Variants in RBFOX1 observed in about 807,000 individuals in gnomAD.
RBFOX1 encodes RNA binding protein fox-1 homolog 1.
In RBFOX1, 8 loss-of-function variants were observed where a neutral mutation model predicts 57.7. That is an observed-to-expected ratio of 0.14 (90% CI 0.08 to 0.25). The LOEUF (loss-of-function observed/expected upper bound fraction) is 0.25. Among genes scored for constraint, RBFOX1 ranks in the 10% least tolerant of loss-of-function variants. The pLI, the probability that RBFOX1 is intolerant of heterozygous loss-of-function variation, is 1.00. For missense variants in RBFOX1, 611 were observed against 548.5 expected, an observed-to-expected ratio of 1.11 and a Z score of -1.14; for synonymous variants, 326 against 222.4, an observed-to-expected ratio of 1.47 and a Z score of -4.15.
At chr16:6,426,984 T>C (rs1312307927) in intron 2 of RBFOX1, among the ~76,000 whole-genome samples, 1 of 152,184 alleles carries the variant, frequency 6.6e-6, no homozygotes, top group Non-Finnish European at 1.5e-5. Flanking sequence ...CGCTGTATAA[T>C]TGAGTTTCTG....
intron 3 of RBFOX1, among the ~76,000 whole-genome samples, chr16:5,851,712 T>A (rs2056901501): frequency 6.6e-6 from 1 of 152,232 alleles, no homozygotes; most frequent in Non-Finnish European, 1.5e-5. Context: ...CCTTTTCATT[T>A]TGGCTCCGTA....
chr16:7,112,502 C>T (rs887042090), intron 4 of RBFOX1, among the ~76,000 whole-genome samples: 2 of 152,034 alleles, frequency 1.3e-5, no homozygotes, highest in Admixed American at 6.6e-5. Flanking sequence ...CCACCGTGCC[C>T]AGCCTAACAA....
intron 10 of RBFOX1, among the ~76,000 whole-genome samples, chr16:7,629,626 G>A (rs1032340486): frequency 6.6e-6 from 1 of 152,172 alleles, no homozygotes; most frequent in African/African-American, 2.4e-5. Context: ...TGCAGCAGTG[G>A]GAAAGTAGCA....
intron 3 of RBFOX1, among the ~76,000 whole-genome samples, chr16:6,966,761 GTCTATCTA>G (rs57023399): frequency 0.016 from 2,365 of 149,188 alleles, 71 homozygotes; most frequent in African/African-American, 0.054. Context: ...CTGTCTGTCT[GTCTATCTA>G]TCTATCTATC....
intron 4 of RBFOX1, among the ~76,000 whole-genome samples, chr16:7,244,466 C>G (rs986391821): frequency 1.3e-5 from 2 of 152,126 alleles, no homozygotes; most frequent in East Asian, 1.9e-4. Flanking sequence ...TTTGGCCATC[C>G]TCTTTGCAAA....
At chr16:5,796,543 GTA>G (rs1373583536) in intron 3 of RBFOX1, among the ~76,000 whole-genome samples, 2 of 145,048 alleles carry the variant, frequency 1.4e-5, no homozygotes, top group Non-Finnish European at 3.0e-5. Context: ...AAGCAGGGCT[GTA>G]TCAGATGGTG....
chr16:7,300,761 T>C (rs1318080025), intron 4 of RBFOX1, among the ~76,000 whole-genome samples: 1 of 152,260 alleles, frequency 6.6e-6, no homozygotes, highest in African/African-American at 2.4e-5. Context: ...AATATTATTT[T>C]ATGAGTCAAA....
chr16:7,149,305 C>T (rs1567461342), intron 4 of RBFOX1, among the ~76,000 whole-genome samples: 1 of 151,894 alleles, frequency 6.6e-6, no homozygotes. Flanking sequence ...GTAGTCATAC[C>T]ACTCAGGATG....
At chr16:7,510,511 G>GTGTGT (rs1567589181) in intron 4 of RBFOX1, among the ~76,000 whole-genome samples, 2 of 149,902 alleles carry the variant, frequency 1.3e-5, no homozygotes, top group Non-Finnish European at 3.0e-5. Context: ...GTGTGTGTGT[G>GTGTGT]GGCGCGCGCG....
At position 6,271,586 on chromosome 16, in the gene RBFOX1, A is replaced by G. The variant is rs371975128; in HGVS notation, c.-126-45409A>G. ...CCTGACAAATCTGAGCAAAACTGAT[A>G]GAGAGATGACACAAATTATCAAACA... On this transcript the variant is annotated intron_variant, in intron 1 of 15. Transcript: ENST00000550418. Among the ~76,000 whole-genome samples, 31 of 152,330 alleles carry G rather than the reference A, an allele frequency of 2.0e-4. No homozygotes were observed. In the East Asian group the frequency reaches 2.5e-3, roughly 12 times the overall value.
chr16:7,219,365 T>A (rs1011432855), intron 4 of RBFOX1, among the ~76,000 whole-genome samples: 5 of 151,758 alleles, frequency 3.3e-5, no homozygotes, highest in African/African-American at 1.2e-4. Flanking sequence ...CAGAAAGGAG[T>A]GTTGGGTAAA....
chr16:6,684,673 C>G (rs2059163498), intron 3 of RBFOX1, among the ~76,000 whole-genome samples: 1 of 152,146 alleles, frequency 6.6e-6, no homozygotes, highest in South Asian at 2.1e-4. Context: ...AGAAGTTGAT[C>G]TGGAGCCCTA....
intron 3 of RBFOX1, among the ~76,000 whole-genome samples, chr16:6,930,877 T>C (rs1281050783): frequency 6.6e-6 from 1 of 152,084 alleles, no homozygotes; most frequent in Non-Finnish European, 1.5e-5. Context: ...CATGTTCCTA[T>C]CCAATACCCC....
At chr16:6,479,159 C>T (rs1456919249) in intron 2 of RBFOX1, among the ~76,000 whole-genome samples, 2 of 152,162 alleles carry the variant, frequency 1.3e-5, no homozygotes, top group Non-Finnish European at 2.9e-5. Flanking sequence ...TCCGTTCTAA[C>T]ACTGCTATAA....
intron 4 of RBFOX1, among the ~76,000 whole-genome samples, chr16:7,270,213 G>C (rs1157763851): frequency 6.6e-6 from 1 of 152,208 alleles, no homozygotes. Context: ...GCAGGAGCAG[G>C]AACCTGAGAG....
At chr16:5,460,853 G>A (rs938231532) in intron 1 of RBFOX1, among the ~76,000 whole-genome samples, 5 of 152,166 alleles carry the variant, frequency 3.3e-5, no homozygotes, top group African/African-American at 9.7e-5. Flanking sequence ...TTGCAGGAGC[G>A]GAGCACATCA....
intron 4 of RBFOX1, among the ~76,000 whole-genome samples, chr16:5,957,707 A>G (rs2152284606): frequency 6.6e-6 from 1 of 152,154 alleles, no homozygotes; most frequent in Non-Finnish European, 1.5e-5. Flanking sequence ...AGGTGTGTAT[A>G]TTTGGGGGGC....
intron 4 of RBFOX1, among the ~76,000 whole-genome samples, chr16:5,937,635 A>G (rs1597865988): frequency 6.6e-6 from 1 of 150,386 alleles, no homozygotes; most frequent in East Asian, 1.9e-4. Flanking sequence ...TTTATAATAC[A>G]GTTTTATATA....
chr16:7,385,979 C>T (rs1490943702), intron 4 of RBFOX1, among the ~76,000 whole-genome samples: 4 of 147,310 alleles, frequency 2.7e-5, no homozygotes, highest in South Asian at 2.2e-4. Flanking sequence ...TTAGTAGAGA[C>T]GGAGTTTCAC....
Sources: allele counts gnomAD v4.1 joint callset (sites outside exome capture counted in the v4.1 genomes callset), GRCh38; gene constraint gnomAD v4.1.1; transcripts MANE v1.5; gene names NCBI Gene and HGNC (gene_info 2026-07-23, HGNC 2026-07-21).